The following MAGED1 variants were observed in gnomAD, a reference collection of about 807,000 sequenced individuals.
MAGED1 encodes melanoma-associated antigen D1.
MAGED1 carries 3 observed loss-of-function variants against 54.1 expected under a neutral mutation model. The observed-to-expected ratio is 0.06, with a 90% CI of 0.03 to 0.14. The LOEUF (loss-of-function observed/expected upper bound fraction) is 0.14, where lower values mean the gene tolerates loss of function less well. Among genes scored for constraint, MAGED1 ranks in the 10% least tolerant of loss-of-function variants. MAGED1 has a pLI of 1.00. For missense variants in MAGED1, 485 were observed against 623.4 expected, an observed-to-expected ratio of 0.78 and a Z score of 2.36; for synonymous variants, 217 against 227.3, an observed-to-expected ratio of 0.95 and a Z score of 0.41.
At chrX:51,806,916 T>C (rs1341639264) in intron 1 of MAGED1, among the ~76,000 whole-genome samples, 1 of 110,063 alleles carries the variant, frequency 9.1e-6, no homozygotes, top group Non-Finnish European at 1.9e-5. Flanking sequence ...GCCTCCCGAG[T>C]AGCTGGGATT....
At chrX:51,851,722 A>G (rs143853334) in intron 1 of MAGED1, among the ~76,000 whole-genome samples, 1 of 109,089 alleles carries the variant, frequency 9.2e-6, no homozygotes, top group East Asian at 2.9e-4. Flanking sequence ...TACGCTAGAC[A>G]AAGGGAGGAT....
At chrX:51,897,178 A>G in intron 4 of MAGED1, 30 bp from the exon 5 acceptor site, 11 of 1,203,885 alleles carry the variant, frequency 9.1e-6, no homozygotes, top group Non-Finnish European at 1.2e-5. Context: ...AATATTTTAT[A>G]AGTTTAATGA....
At chrX:51,822,914 G>C (rs1557356676) in intron 1 of MAGED1, among the ~76,000 whole-genome samples, 1 of 109,028 alleles carries the variant, frequency 9.2e-6, no homozygotes, top group Non-Finnish European at 1.9e-5. Flanking sequence ...ATTCTTATTT[G>C]ACCTTTGGCT....
chrX:51,898,562 T>C lies in MAGED1; in HGVS notation c.1782-19T>C. On this transcript the variant is annotated intron_variant, in intron 9 of 12. Coordinates refer to ENST00000326587, the MANE Select transcript of MAGED1 (RefSeq NM_006986.4). Reference sequence around the variant, plus strand: ...ATGGTAATAGCCTCTGATTGTGGGTTTCCTTTTTTTACCTTCAGGGTGAGA... The same window carrying C: ...ATGGTAATAGCCTCTGATTGTGGGTCTCCTTTTTTTACCTTCAGGGTGAGA... 1.7e-6 allele frequency: 2 copies of C among 1,193,881 alleles called. No individual in the cohort carries two copies. The highest frequency in any genetic ancestry group is 2.3e-6 in the Non-Finnish European group (2 of 884,866).
chrX:51,896,278 G>A, intron 3 of MAGED1, 131 bp from the exon 4 acceptor site: 1 of 577,361 alleles, frequency 1.7e-6, no homozygotes, highest in Admixed American at 3.9e-5. Context: ...GACAAACCCA[G>A]GACTCAGGGT....
chrX:51,826,468 AT>A (rs782509439), intron 1 of MAGED1, among the ~76,000 whole-genome samples: 1 of 111,040 alleles, frequency 9.0e-6, no homozygotes, highest in African/African-American at 3.3e-5. Context: ...TTTCAGCACC[AT>A]TTTTTTTGGC....
chrX:51,884,105 A>G (rs904551806), intron 1 of MAGED1, among the ~76,000 whole-genome samples: 29 of 111,548 alleles, frequency 2.6e-4, no homozygotes, highest in African/African-American at 3.6e-4. Context: ...GAGAGATACA[A>G]TGGCTGAAAA....
In MAGED1 at chrX:51,881,421, CT is replaced by C. The variant is rs11458572; in HGVS notation, c.-36-12837del. ...TTGCTTTTTCTTTTTCTTTTCTTTT[CT>C]TTTTTTTTTTGAGATGGAGTTTCGC... On this transcript the variant is annotated intron_variant, in intron 1 of 12. Coordinates refer to the MAGED1 transcript ENST00000375772. Among the ~76,000 whole-genome samples, 104 of 102,026 alleles carry C rather than the reference CT, an allele frequency of 1.0e-3. 1 individual carries two copies. The highest frequency in any genetic ancestry group is 8.8e-3 in the East Asian group (29 of 3,305). The allele number at this position is 102,026 out of a possible 115,157, so 88.6% of individuals were successfully genotyped here.
chrX:51,894,561 T>G (rs1178067784), intron 2 of MAGED1: 4 of 994,965 alleles, frequency 4.0e-6, no homozygotes, highest in Non-Finnish European at 5.6e-6. Context: ...GAGACCCTGT[T>G]AGTAGTCAGG....
At chrX:51,803,984 A>T (rs1924947925) in intron 1 of MAGED1, among the ~76,000 whole-genome samples, 1 of 111,269 alleles carries the variant, frequency 9.0e-6, no homozygotes, top group South Asian at 3.8e-4. Flanking sequence ...TTATTACTTT[A>T]TATGAGTTGA....
At chrX:51,893,016 G>A (rs1928504854), upstream of MAGED1, among the ~76,000 whole-genome samples, 1 of 110,573 alleles carries the variant, frequency 9.0e-6, no homozygotes, top group Non-Finnish European at 1.9e-5. Flanking sequence ...GTCCATCACC[G>A]GAGCTGCAGA....
At chrX:51,811,162 T>G (rs1308861001) in intron 1 of MAGED1, among the ~76,000 whole-genome samples, 1 of 111,732 alleles carries the variant, frequency 8.9e-6, no homozygotes, top group African/African-American at 3.3e-5. Context: ...TTATACGTGT[T>G]AAGAATCTGA....
intron 1 of MAGED1, among the ~76,000 whole-genome samples, chrX:51,885,936 A>C (rs782720769): frequency 9.0e-6 from 1 of 110,989 alleles, no homozygotes; most frequent in African/African-American, 3.3e-5. Flanking sequence ...ATGAAATATT[A>C]TTCAGCCATA....
At chrX:51,897,955 A>G in intron 7 of MAGED1, 69 bp downstream of exon 7, 2 of 955,266 alleles carry the variant, frequency 2.1e-6, no homozygotes, top group Non-Finnish European at 3.0e-6. Flanking sequence ...TTTCACGTAG[A>G]TCAGGGTCCA....
intron 1 of MAGED1, among the ~76,000 whole-genome samples, chrX:51,886,225 G>A (rs988942229): frequency 2.1e-4 from 23 of 109,439 alleles, no homozygotes; most frequent in African/African-American, 7.0e-4. Flanking sequence ...ACAATACAGT[G>A]ACTATAGTTA....
intron 1 of MAGED1, among the ~76,000 whole-genome samples, chrX:51,830,243 T>A (rs782206423): frequency 1.2e-4 from 13 of 111,480 alleles, no homozygotes; most frequent in African/African-American, 3.6e-4. Flanking sequence ...AAATACTATA[T>A]ATTGCTCATA....
rs1557364099 is a variant in MAGED1 at position 51,895,377 on chromosome X, G to T, written c.370G>T (p.Ala124Ser). The T allele has an allele frequency of 8.3e-7, 1 of 1,207,257 alleles. No homozygotes were observed. The highest frequency in any genetic ancestry group is 2.2e-5 in the Admixed American group (1 of 45,557). ...SQNATPKGPN[A>S]AYDFSQAATT... Reference sequence around the variant, plus strand: ...AAATGCTACCCCAAAGGGTCCAAATGCTGCCTATGATTTTTCCCAGGCAGC... The same window carrying T: ...AAATGCTACCCCAAAGGGTCCAAATTCTGCCTATGATTTTTCCCAGGCAGC... The change falls in exon 3 of 13, where the codon GCT (alanine) becomes TCT (serine). Residue 124 changes from alanine to serine, a missense_variant. Physicochemically the swap from Ala to Ser is moderately conservative, Grantham distance 99 (BLOSUM62 1). Around this residue, in one of 2 missense-constraint regions of MAGED1, gnomAD observed 299 missense variants for 293.1 expected, o/e 1.02. Transcript: ENST00000326587.
intron 2 of MAGED1, 73 bp downstream of exon 2, chrX:51,894,422 C>T (rs1402543004): frequency 6.9e-6 from 7 of 1,014,505 alleles, no homozygotes; most frequent in Non-Finnish European, 9.5e-6. Flanking sequence ...TCTTTGGTCT[C>T]CCAAACGCCG....
intron 1 of MAGED1, among the ~76,000 whole-genome samples, chrX:51,814,292 G>A (rs1458530966): frequency 4.5e-5 from 5 of 111,318 alleles, no homozygotes; most frequent in Admixed American, 9.5e-5. Context: ...TGCTGCTACC[G>A]CCGCCGCCGC....
Sources: gnomAD v4.1 joint callset for allele counts (sites outside exome capture counted in the v4.1 genomes callset) on GRCh38, gnomAD v4.1.1 for gene constraint, gnomAD v4.1.1 regional missense constraint, MANE v1.5 for transcripts, NCBI Gene and HGNC (gene_info 2026-07-23, HGNC 2026-07-21) for gene names.